Variants in KANSL1L observed in about 807,000 individuals in gnomAD.
KANSL1L encodes the protein KAT8 regulatory NSL complex subunit 1 like, also known as KAT8 regulatory NSL complex subunit 1-like protein.
Under a neutral mutation model 108.6 loss-of-function variants are expected in KANSL1L, and 25 were observed. That is an observed-to-expected ratio of 0.23 (90% CI 0.17 to 0.32). The LOEUF (loss-of-function observed/expected upper bound fraction) is 0.32. Among genes scored for constraint, KANSL1L ranks in the 10% least tolerant of loss-of-function variants. The pLI is 1.00. For missense variants in KANSL1L, 1,137 were observed against 1,125.7 expected, an observed-to-expected ratio of 1.01 and a Z score of -0.14; for synonymous variants, 405 against 395.1, an observed-to-expected ratio of 1.03 and a Z score of -0.30.
chr2:210,115,413 A>G (rs1415171271), intron 3 of KANSL1L, among the ~76,000 whole-genome samples: 2 of 152,226 alleles, frequency 1.3e-5, no homozygotes, highest in Non-Finnish European at 2.9e-5. Context: ...TGTTTATAGG[A>G]TAACAGATAA....
At chr2:210,133,936 A>G (rs2095150468) in intron 2 of KANSL1L, among the ~76,000 whole-genome samples, 1 of 152,022 alleles carries the variant, frequency 6.6e-6, no homozygotes, top group East Asian at 1.9e-4. Context: ...CCTGAAGATC[A>G]TCTTTTAAAA....
At chr2:210,139,713 A>ATT (rs1489394785) in intron 2 of KANSL1L, among the ~76,000 whole-genome samples, 2 of 148,712 alleles carry the variant, frequency 1.3e-5, no homozygotes, top group African/African-American at 4.9e-5. Flanking sequence ...GGAAAAAGAA[A>ATT]TTGTCTATTC....
At chr2:210,057,381 A>T (rs1268320179) in intron 6 of KANSL1L, among the ~76,000 whole-genome samples, 4 of 152,042 alleles carry the variant, frequency 2.6e-5, no homozygotes, top group African/African-American at 9.7e-5. Context: ...CCAGCCTGGG[A>T]GAGAAAGTGA....
At chr2:210,157,062 C>A (rs990270710) in intron 1 of KANSL1L, among the ~76,000 whole-genome samples, 1 of 151,160 alleles carries the variant, frequency 6.6e-6, no homozygotes, top group African/African-American at 2.4e-5. Flanking sequence ...AATTCTAAAA[C>A]AAGCTAGCAT....
intron 5 of KANSL1L, among the ~76,000 whole-genome samples, chr2:210,085,696 A>G (rs866576823): frequency 3.3e-5 from 5 of 152,002 alleles, no homozygotes; most frequent in Middle Eastern, 3.4e-3. Flanking sequence ...ACTGTACTAT[A>G]ATTTTAGTGT....
rs1477135046 is a variant in KANSL1L at position 210,169,778 on chromosome 2, C to A, written c.-30+1371G>T. Among the ~76,000 whole-genome samples, 4 of 152,162 alleles carry A rather than the reference C, an allele frequency of 2.6e-5. No homozygotes were observed. The East Asian group carries it at 5.8e-4, about 22-fold the overall frequency. On this transcript the variant is annotated intron_variant, in intron 1 of 14. Transcript: ENST00000281772. ...GGAGAACCAAAGATAATGGTTACAACAGATTTTAAAGATACTCAAATATAT... is the reference window on the plus strand; with the variant it reads ...GGAGAACCAAAGATAATGGTTACAAAAGATTTTAAAGATACTCAAATATAT...
At chr2:210,120,132 G>A (rs1303642195) in intron 3 of KANSL1L, among the ~76,000 whole-genome samples, 1 of 152,180 alleles carries the variant, frequency 6.6e-6, no homozygotes, top group Non-Finnish European at 1.5e-5. Flanking sequence ...GCTCACACCT[G>A]TAATCCTAGC....
At chr2:210,070,353 C>G (rs2094498636) in intron 6 of KANSL1L, among the ~76,000 whole-genome samples, 1 of 151,400 alleles carries the variant, frequency 6.6e-6, no homozygotes, top group East Asian at 2.0e-4. Context: ...GCCTCAGCCC[C>G]CGAGTAGCTG....
At chr2:210,052,242 ATCC>A (rs2125232607) in intron 6 of KANSL1L, among the ~76,000 whole-genome samples, 1 of 152,020 alleles carries the variant, frequency 6.6e-6, no homozygotes, top group Non-Finnish European at 1.5e-5. Context: ...GGCTTAAGAG[ATCC>A]TCCTACTTCA....
chr2:210,145,342 A>C (rs910521488), intron 2 of KANSL1L, among the ~76,000 whole-genome samples: 4 of 152,200 alleles, frequency 2.6e-5, no homozygotes, highest in Non-Finnish European at 5.9e-5. Flanking sequence ...GAGCATGAGC[A>C]TGTGTAGGAA....
At chr2:210,157,012 GT>G (rs1434557147) in intron 1 of KANSL1L, among the ~76,000 whole-genome samples, 1 of 151,204 alleles carries the variant, frequency 6.6e-6, no homozygotes, top group Middle Eastern at 3.2e-3. Context: ...AAAAAAGATG[GT>G]TTTTTTCAGT....
rs995930451 is a variant in KANSL1L, at chr2:210,022,646, C to T, written c.*303G>A. 2.6e-5 allele frequency: 9 copies of T among 342,856 alleles called. No individual in the cohort carries two copies. Among genetic ancestry groups the T allele is most frequent in the African/African-American group, 1.5e-4 (7 of 47,288 alleles). The allele number at this position is 342,856 out of a possible 1,614,324, so 21.2% of individuals were successfully genotyped here. On this transcript the variant is annotated 3_prime_UTR_variant, in exon 15 of 15. Coordinates refer to ENST00000281772, the MANE Select transcript of KANSL1L (RefSeq NM_152519.4). ...TATGTATGTATGTATGGTGTGGGTA[C>T]ATAGTCTTAAAAATTACCCAGTAAT...
chr2:210,024,127 T>G lies in KANSL1L; in HGVS notation c.2639A>C (p.Gln880Pro), dbSNP rs1337215724. ...CCCAGGAGGACTTGCAGCAGCACAT[T>G]GCTGACTGCTACTGAAGTTATTAGG... is the stretch of plus-strand genomic sequence containing the variant. ...EYPNNFSSSQ[Q>P]CAAASPPGLP... The change falls in exon 14 of 15, where the codon CAA becomes CCA. Residue 880 changes from glutamine to proline, a missense_variant. Coordinates refer to ENST00000281772, the MANE Select transcript of KANSL1L (RefSeq NM_152519.4). 4 of 1,610,556 alleles carry G rather than the reference T, an allele frequency of 2.5e-6. No homozygotes were observed. In the South Asian group the frequency reaches 4.4e-5, roughly 18 times the overall value.
Position 210,075,729 on chromosome 2 carries a change from A to C in KANSL1L, c.1578T>G (p.Ser526=). Residue 526 remains serine, a synonymous_variant, in exon 6 of 15, where the codon TCT becomes TCG. Coordinates refer to ENST00000281772, the MANE Select transcript of KANSL1L (RefSeq NM_152519.4). ...RSASENLDEL[S]SSSSWLLNQK... ...GGTTAAGTAACCAGCTACTGGAGGA[A>C]GACAGCTCATCTAAATTCTCTGATG... 1.2e-6 allele frequency: 2 copies of C among 1,613,940 alleles called. No homozygotes were observed. The highest frequency in any genetic ancestry group is 2.2e-5 in the South Asian group (2 of 91,074).
chr2:210,153,724 G>C lies in KANSL1L; in HGVS notation c.859C>G (p.Pro287Ala). The C allele has an allele frequency of 6.2e-7, 1 of 1,605,094 alleles. No individual in the cohort carries two copies. Among genetic ancestry groups the C allele is most frequent in the Non-Finnish European group, 8.5e-7 (1 of 1,176,768 alleles). Residue 287 changes from proline (P) to alanine (A), a missense_variant, in exon 2 of 15, where the codon CCT becomes GCT. Transcript: ENST00000281772. ...TCTGGCTTAATTTCAGTGCATTTAG[G>C]TAAACTATTACCCAAAATTGTGGTA... The part of the protein sequence containing the change: ...EPTTILGNSL[P>A]KCTEIKPEVN...
intron 1 of KANSL1L, among the ~76,000 whole-genome samples, chr2:210,167,271 G>C (rs1250903476): frequency 6.6e-6 from 1 of 151,968 alleles, no homozygotes; most frequent in Non-Finnish European, 1.5e-5. Flanking sequence ...GCATAACTAG[G>C]ATTCAGTCAG....
chr2:210,165,526 A>C (rs1687899742), intron 1 of KANSL1L, among the ~76,000 whole-genome samples: 1 of 151,740 alleles, frequency 6.6e-6, no homozygotes, highest in African/African-American at 2.4e-5. Flanking sequence ...GGGGATTGTA[A>C]AGTTAAATCT....
chr2:210,171,929 G>C (rs1688363949), upstream of KANSL1L: 2 of 151,616 alleles, frequency 1.3e-5, no homozygotes, highest in South Asian at 4.2e-4. Flanking sequence ...AATTCTTTCT[G>C]ACCCTCAGAG....
At chr2:210,058,255 C>T (rs988357872) in intron 6 of KANSL1L, among the ~76,000 whole-genome samples, 2 of 152,156 alleles carry the variant, frequency 1.3e-5, no homozygotes, top group African/African-American at 2.4e-5. Context: ...CCCAGTCTCC[C>T]GTAGCACTCC....
Sources: gnomAD v4.1 joint callset for allele counts (sites outside exome capture counted in the v4.1 genomes callset) on GRCh38, gnomAD v4.1.1 for gene constraint, MANE v1.5 for transcripts, NCBI Gene and HGNC (gene_info 2026-07-23, HGNC 2026-07-21) for gene names.